AGK: variants seen among roughly 807,000 people sequenced by gnomAD.
The protein encoded by AGK is acylglycerol kinase, also known as acylglycerol kinase, mitochondrial.
AGK carries 52 observed loss-of-function variants against 66.4 expected under a neutral mutation model. That is an observed-to-expected ratio of 0.78 (90% CI 0.63 to 0.99). The LOEUF is 0.99. AGK is among the 50% of genes least tolerant of loss of function. AGK has a pLI of 0.00. For missense variants in AGK, 451 were observed against 506.6 expected, an observed-to-expected ratio of 0.89 and a Z score of 1.05; for synonymous variants, 182 against 181.1, an observed-to-expected ratio of 1.00 and a Z score of -0.04.
At chr7:141,613,258 A>C (rs1796634049) in intron 6 of AGK, among the ~76,000 whole-genome samples, 1 of 152,220 alleles carries the variant, frequency 6.6e-6, no homozygotes, top group Admixed American at 6.5e-5. Context: ...ACAGTCATAT[A>C]AAAATATGCA....
chr7:141,611,030 CT>C (rs1352457806), intron 5 of AGK, among the ~76,000 whole-genome samples, 164 bp from the exon 6 acceptor site: 1 of 152,176 alleles, frequency 6.6e-6, no homozygotes, highest in Non-Finnish European at 1.5e-5. Flanking sequence ...ACTGTAACGA[CT>C]ATACATAATT....
At chr7:141,560,371 G>A (rs1795313484) in intron 2 of AGK, among the ~76,000 whole-genome samples, 1 of 151,036 alleles carries the variant, frequency 6.6e-6, no homozygotes, top group Non-Finnish European at 1.5e-5. Flanking sequence ...TTACCCTGTA[G>A]TCTTCTTGAG....
chr7:141,562,191 G>A (rs1049813378), intron 2 of AGK: 13 of 454,580 alleles, frequency 2.9e-5, no homozygotes, highest in South Asian at 1.9e-4. Flanking sequence ...CCTTTGGTTA[G>A]CCAGGATGTT....
intron 2 of AGK, among the ~76,000 whole-genome samples, chr7:141,576,599 GGATACTAGATACT>G (rs1482787282): frequency 2.0e-5 from 3 of 149,176 alleles, no homozygotes; most frequent in African/African-American, 7.4e-5. Context: ...ACTAGATACT[GGATACTAGATACT>G]GATACTAGAG....
At chr7:141,570,218 TCTA>T (rs761257901) in intron 2 of AGK, among the ~76,000 whole-genome samples, 16 of 152,036 alleles carry the variant, frequency 1.1e-4, no homozygotes, top group South Asian at 2.1e-4. Flanking sequence ...AAGCCGCGTC[TCTA>T]CTAAAAATAC....
intron 9 of AGK, among the ~76,000 whole-genome samples, chr7:141,623,834 GC>G (rs1796879121): frequency 6.6e-6 from 1 of 152,130 alleles, no homozygotes; most frequent in Admixed American, 6.5e-5. Flanking sequence ...TCAATGCCTG[GC>G]TTCAAAGTTT....
chr7:141,637,019 T>G lies in AGK; in HGVS notation c.726+2T>G. 6.2e-7 allele frequency: 1 copy of G among 1,611,326 alleles called. No homozygotes were observed. The highest frequency in any genetic ancestry group is 8.5e-7 in the Non-Finnish European group (1 of 1,178,272). On this transcript the variant is annotated splice_donor_variant, in intron 11 of 15. Transcript: ENST00000649286. LOFTEE classifies it high-confidence loss of function. ...GCCCACTTTTTCAGCACTCTTAAGGTAAATGTGATTTACAGTGTAGAAATT... is the reference window on the plus strand; with the variant it reads ...GCCCACTTTTTCAGCACTCTTAAGGGAAATGTGATTTACAGTGTAGAAATT...
At chr7:141,647,164 A>T (rs1199480834) in intron 13 of AGK, among the ~76,000 whole-genome samples, 3 of 142,928 alleles carry the variant, frequency 2.1e-5, no homozygotes, top group Non-Finnish European at 4.5e-5. Context: ...TTACACATTT[A>T]TCTATAATGT....
At chr7:141,556,950 A>G (rs1795221720) in intron 2 of AGK, among the ~76,000 whole-genome samples, 1 of 152,264 alleles carries the variant, frequency 6.6e-6, no homozygotes, top group Admixed American at 6.5e-5. Flanking sequence ...TAAGATTTAA[A>G]TAAACAGAGA....
At chr7:141,641,788 CT>C (rs778727691) in intron 12 of AGK, 22 bp from the exon 13 acceptor site, 1 of 1,553,306 alleles carries the variant, frequency 6.4e-7, no homozygotes, top group South Asian at 1.2e-5. Context: ...AGAAACTGAC[CT>C]GTATCTAATG....
chr7:141,606,506 G>C (rs982946828), intron 5 of AGK, among the ~76,000 whole-genome samples: 1 of 152,100 alleles, frequency 6.6e-6, no homozygotes, highest in African/African-American at 2.4e-5. Flanking sequence ...TTTTAGAGCA[G>C]TTTTAGGTTT....
chr7:141,620,110 T>C (rs758723357), intron 8 of AGK, among the ~76,000 whole-genome samples: 34 of 152,314 alleles, frequency 2.2e-4, no homozygotes, highest in Admixed American at 5.2e-4. Flanking sequence ...TTCTATTTTA[T>C]GACATTCTGG....
chr7:141,599,882 A>G (rs1300642422), intron 4 of AGK, among the ~76,000 whole-genome samples: 1 of 152,140 alleles, frequency 6.6e-6, no homozygotes, highest in African/African-American at 2.4e-5. Flanking sequence ...TTGGTTTGAG[A>G]TATTCTTTTG....
chr7:141,649,173 C>G (rs944468108), intron 13 of AGK, 90 bp from the exon 14 acceptor site: 17 of 757,762 alleles, frequency 2.2e-5, no homozygotes, highest in Non-Finnish European at 3.7e-5. Flanking sequence ...TATATAGCTT[C>G]AAACTATGAA....
rs115245729 is a variant in AGK, at chr7:141,615,600, G to T, written c.518+35G>T. ...CAATGTGGGGAATTAGCATTTGTGGGTGAGCGAGACTGGGAATGAAAAATT... is the reference window on the plus strand; with the variant it reads ...CAATGTGGGGAATTAGCATTTGTGGTTGAGCGAGACTGGGAATGAAAAATT... On this transcript the variant is annotated intron_variant, in intron 8 of 15. Coordinates refer to ENST00000649286, the MANE Select transcript of AGK (RefSeq NM_018238.4). 3,124 of 1,542,812 alleles carry T rather than the reference G, an allele frequency of 2.0e-3. 52 individuals carry two copies. In the African/African-American group the frequency reaches 0.037, roughly 18 times the overall value.
chr7:141,590,464 A>G (rs1364595210), intron 2 of AGK, among the ~76,000 whole-genome samples: 1 of 152,084 alleles, frequency 6.6e-6, no homozygotes, highest in Admixed American at 6.6e-5. Context: ...GTGGGAGCAC[A>G]GTCCGGAGAG....
rs562032879 is a variant in AGK at position 141,654,159 on chromosome 7, GTGTT to G, written c.*1244_*1247del. On this transcript the variant is annotated 3_prime_UTR_variant, in exon 16 of 16. Transcript: ENST00000649286. ...ATTTTTTTTTTAGCTCTTGCTTTAA[GTGTT>G]TGTTTGTTATCTCAGTCCAGAACCA... 51 of 152,024 alleles carry G rather than the reference GTGTT, an allele frequency of 3.4e-4. No homozygotes were observed. Among genetic ancestry groups the G allele is most frequent in the South Asian group, 1.2e-3 (6 of 4,806 alleles). The allele number at this position is 152,024 out of a possible 1,614,324, so 9.4% of individuals were successfully genotyped here. A position where few individuals can be genotyped will look rare whatever the true frequency, so the allele number is the denominator to read the frequency against.
rs150160397 is a variant in AGK, at chr7:141,641,264, A to C, written c.743A>C (p.His248Pro). ...CATTAAAAGGAGTGGCCTCAGACTC[A>C]TCAAGCCTCTATCTCATACACGGGA... is the stretch of plus-strand genomic sequence containing the variant. ...FSTLKEWPQT[H>P]QASISYTGPT... is the part of the protein sequence containing the mutation. The change falls in exon 12 of 16, where the codon CAT becomes CCT. Residue 248 changes from histidine to proline, a missense_variant. Transcript: ENST00000649286. 185 of 1,613,466 alleles carry C rather than the reference A, an allele frequency of 1.1e-4. No homozygotes were observed. The African/African-American group carries it at 2.2e-3, about 19-fold the overall frequency.
At chr7:141,628,301 A>G (rs1216659258) in intron 9 of AGK, among the ~76,000 whole-genome samples, 1 of 152,240 alleles carries the variant, frequency 6.6e-6, no homozygotes. Flanking sequence ...GACACAACCC[A>G]GGAAGAAAAT....
Sources: allele counts gnomAD v4.1 joint callset (sites outside exome capture counted in the v4.1 genomes callset), GRCh38; gene constraint gnomAD v4.1.1; transcripts MANE v1.5; gene names NCBI Gene and HGNC (gene_info 2026-07-23, HGNC 2026-07-21).